The following SPAG16 variants were observed in gnomAD, a reference collection of about 807,000 sequenced individuals.
SPAG16 encodes sperm associated antigen 16.
SPAG16 carries 86 observed loss-of-function variants against 80.4 expected under a neutral mutation model. That is an observed-to-expected ratio of 1.07 (90% CI 0.90 to 1.28). The LOEUF (loss-of-function observed/expected upper bound fraction) is 1.28, where lower values mean the gene tolerates loss of function less well. Among genes scored for constraint, SPAG16 ranks in the 50% most tolerant of loss-of-function variants. SPAG16 has a pLI of 0.00. For missense variants in SPAG16, 870 were observed against 765.3 expected (o/e 1.14, Z -1.61); for synonymous variants, 294 against 265.9 (o/e 1.11, Z -1.03).
chr2:213,599,852 C>T (rs955463307), intron 10 of SPAG16, among the ~76,000 whole-genome samples: 4 of 152,106 alleles, frequency 2.6e-5, no homozygotes, highest in African/African-American at 9.7e-5. Flanking sequence ...CAGGTGCCTG[C>T]CACCATGACC....
At chr2:214,047,459 A>T (rs940007966) in intron 13 of SPAG16, among the ~76,000 whole-genome samples, 1 of 152,200 alleles carries the variant, frequency 6.6e-6, no homozygotes, top group Admixed American at 6.5e-5. Flanking sequence ...TATCTTTTCA[A>T]TAAATGTTGC....
intron 10 of SPAG16, among the ~76,000 whole-genome samples, chr2:213,627,834 G>A (rs1420638132): frequency 2.0e-5 from 3 of 152,214 alleles, no homozygotes; most frequent in African/African-American, 4.8e-5. Flanking sequence ...TTACATTGAA[G>A]TCAAGGTCTT....
At chr2:213,540,993 G>A (rs535167562) in intron 10 of SPAG16, among the ~76,000 whole-genome samples, 14 of 152,372 alleles carry the variant, frequency 9.2e-5, no homozygotes, top group African/African-American at 2.6e-4. Flanking sequence ...AGGTGCACTC[G>A]TAGAGTTACA....
chr2:213,497,462 A>G (rs967160330), intron 10 of SPAG16, among the ~76,000 whole-genome samples: 3 of 134,076 alleles, frequency 2.2e-5, no homozygotes, highest in Non-Finnish European at 4.8e-5. Context: ...TTTTTTTTTT[A>G]TGGTCAACTC....
At chr2:213,780,353 T>C (rs145084841) in intron 10 of SPAG16, among the ~76,000 whole-genome samples, 1 of 152,320 alleles carries the variant, frequency 6.6e-6, no homozygotes, top group East Asian at 1.9e-4. Flanking sequence ...TGATTCCAGG[T>C]CTCTTCCCAT....
intron 15 of SPAG16, among the ~76,000 whole-genome samples, chr2:214,377,833 A>G (rs1700220082): frequency 6.6e-6 from 1 of 152,218 alleles, no homozygotes. Context: ...TGGCAAGCAC[A>G]ATAATGGCCC....
intron 15 of SPAG16, among the ~76,000 whole-genome samples, chr2:214,369,821 G>T (rs145587423): frequency 1.3e-5 from 2 of 152,014 alleles, no homozygotes; most frequent in African/African-American, 2.4e-5. Context: ...ATCATATTTT[G>T]CCTCTGCTAA....
intron 12 of SPAG16, among the ~76,000 whole-genome samples, chr2:214,001,029 G>T (rs1036155045): frequency 6.6e-6 from 1 of 152,138 alleles, no homozygotes; most frequent in Non-Finnish European, 1.5e-5. Flanking sequence ...TCTCTTTCAG[G>T]AGGTAGATAT....
chr2:213,325,007 T>G (rs1016508829), intron 5 of SPAG16, among the ~76,000 whole-genome samples: 30 of 152,146 alleles, frequency 2.0e-4, no homozygotes, highest in African/African-American at 6.5e-4. Context: ...ACATAATTTT[T>G]TTTGCTTTTT....
At chr2:213,530,963 T>A (rs1052499743) in intron 10 of SPAG16, among the ~76,000 whole-genome samples, 1 of 152,184 alleles carries the variant, frequency 6.6e-6, no homozygotes, top group East Asian at 1.9e-4. Flanking sequence ...AATTTATGAA[T>A]CTAATTAAAG....
intron 15 of SPAG16, among the ~76,000 whole-genome samples, chr2:214,276,006 G>T (rs1692437216): frequency 6.6e-6 from 1 of 152,156 alleles, no homozygotes; most frequent in Non-Finnish European, 1.5e-5. Context: ...ATTTAGGATA[G>T]TTAGCTCTTC....
intron 10 of SPAG16, among the ~76,000 whole-genome samples, chr2:213,669,203 T>A (rs930772366): frequency 1.3e-5 from 2 of 152,232 alleles, no homozygotes; most frequent in Non-Finnish European, 2.9e-5. Flanking sequence ...ATAGATATGA[T>A]GTGAAAATTG....
At chr2:214,105,492 T>A (rs1012322368) in intron 13 of SPAG16, among the ~76,000 whole-genome samples, 1 of 152,174 alleles carries the variant, frequency 6.6e-6, no homozygotes, top group Admixed American at 6.5e-5. Flanking sequence ...GCAAAGCAAT[T>A]TGTTTAAGGT....
At chr2:213,430,718 A>G (rs1413025801) in intron 9 of SPAG16, among the ~76,000 whole-genome samples, 5 of 152,200 alleles carry the variant, frequency 3.3e-5, no homozygotes. Context: ...TCTAGATACA[A>G]GAGGACCAAC....
At chr2:213,330,035 C>A (rs143134936) in intron 5 of SPAG16, among the ~76,000 whole-genome samples, 98 of 152,320 alleles carry the variant, frequency 6.4e-4, no homozygotes, top group African/African-American at 2.1e-3. Flanking sequence ...TGGCCTCTGC[C>A]TAGATTTTAA....
intron 10 of SPAG16, among the ~76,000 whole-genome samples, chr2:213,657,760 G>A (rs990761618): frequency 2.0e-5 from 3 of 152,042 alleles, no homozygotes; most frequent in Non-Finnish European, 2.9e-5. Flanking sequence ...ATGGTTTACT[G>A]TTACAACCTA....
chr2:213,511,268 T>C (rs1359541905), intron 10 of SPAG16, among the ~76,000 whole-genome samples: 1 of 152,136 alleles, frequency 6.6e-6, no homozygotes, highest in Non-Finnish European at 1.5e-5. Context: ...AGTAAGTAAC[T>C]AGATTCTTTG....
intron 10 of SPAG16, among the ~76,000 whole-genome samples, chr2:213,665,740 A>G (rs1382377608): frequency 1.3e-5 from 2 of 152,308 alleles, no homozygotes; most frequent in South Asian, 4.1e-4. Context: ...CATTGAATTC[A>G]TGGCCAACAT....
intron 10 of SPAG16, among the ~76,000 whole-genome samples, chr2:213,765,387 CAAAAA>C (rs987938727): frequency 6.6e-6 from 1 of 151,774 alleles, no homozygotes; most frequent in African/African-American, 2.4e-5. Context: ...CAAAACAAAA[CAAAAA>C]AAGATTAAAA....
Sources: gnomAD v4.1 joint callset for allele counts (sites outside exome capture counted in the v4.1 genomes callset) on GRCh38, gnomAD v4.1.1 for gene constraint, MANE v1.5 for transcripts, NCBI Gene and HGNC (gene_info 2026-07-23, HGNC 2026-07-21) for gene names.